Variants in NT5C2 observed in about 807,000 individuals in gnomAD.
NT5C2 encodes the protein 5'-nucleotidase, cytosolic II, also known as cytosolic purine 5'-nucleotidase.
NT5C2 carries 58 observed loss-of-function variants against 76.1 expected under a neutral mutation model. The observed-to-expected ratio is 0.76, with a 90% confidence interval of 0.62 to 0.95. The LOEUF (loss-of-function observed/expected upper bound fraction) is 0.95, where lower values mean the gene tolerates loss of function less well. NT5C2 is among the 40% of genes least tolerant of loss of function. The pLI is 0.00. For missense variants in NT5C2, 478 were observed against 690.3 expected (o/e 0.69, Z 3.45); for synonymous variants, 229 against 237.4 (o/e 0.96, Z 0.32).
intron 3 of NT5C2, among the ~76,000 whole-genome samples, chr10:103,173,174 C>T (rs559344094): frequency 3.0e-4 from 45 of 151,978 alleles, no homozygotes; most frequent in African/African-American, 1.0e-3. Context: ...AAAGTGATTT[C>T]GAGAAAATAT....
At chr10:103,175,087 A>G (rs915100961) in intron 2 of NT5C2, 105 bp from the exon 3 acceptor site, 1 of 628,490 alleles carries the variant, frequency 1.6e-6, no homozygotes, top group Admixed American at 2.7e-5. Flanking sequence ...ACTGCCTAAT[A>G]TAATTACCTA....
intron 1 of NT5C2, among the ~76,000 whole-genome samples, chr10:103,191,460 A>G (rs1766497895): frequency 6.6e-6 from 1 of 152,032 alleles, no homozygotes; most frequent in African/African-American, 2.4e-5. Flanking sequence ...CTTTCCCCAT[A>G]AAACAGGAGA....
rs1009867728 is a variant in NT5C2, at chr10:103,088,973, A to G, written c.*699T>C. 1 of 209,518 alleles carries G rather than the reference A, an allele frequency of 4.8e-6. No homozygotes were observed. Among genetic ancestry groups the G allele is most frequent in the Non-Finnish European group, 9.7e-6 (1 of 103,068 alleles). 13.0% of individuals were successfully genotyped at this position (209,518 alleles called of 1,614,324 possible). A position where few individuals can be genotyped will look rare whatever the true frequency, so the allele number is the denominator to read the frequency against. The stretch of plus-strand genomic sequence containing the variant: ...AATTCTTTCTATAGATTTATCACAG[A>G]TAAGAAGGAGGTTGTTTTTGGATAA... On this transcript the variant is annotated 3_prime_UTR_variant, in exon 19 of 19. Coordinates refer to ENST00000404739, the MANE Select transcript of NT5C2 (RefSeq NM_001351169.2).
chr10:103,187,417 G>T (rs1249368345), intron 1 of NT5C2, among the ~76,000 whole-genome samples: 1 of 151,750 alleles, frequency 6.6e-6, no homozygotes, highest in African/African-American at 2.4e-5. Context: ...GCCAGGTGTA[G>T]TGGTGGGCGC....
chr10:103,174,797 C>T, intron 3 of NT5C2, 61 bp downstream of exon 3: 1 of 1,033,398 alleles, frequency 9.7e-7, no homozygotes, highest in Non-Finnish European at 1.5e-6. Context: ...ATTTCATCAT[C>T]TGTAAAATGA....
chr10:103,099,780 T>C (rs2069089074), intron 9 of NT5C2, 146 bp downstream of exon 9: 3 of 514,060 alleles, frequency 5.8e-6, no homozygotes, highest in South Asian at 4.9e-5. Flanking sequence ...AGAACAAATG[T>C]ATTCTAGAGG....
At chr10:103,090,505 A>G (rs2066486950) in intron 18 of NT5C2, 106 bp downstream of exon 18, 10 of 1,018,958 alleles carry the variant, frequency 9.8e-6, no homozygotes, top group Middle Eastern at 3.2e-4. Flanking sequence ...TGGGCTCTGT[A>G]CATCAGAAAG....
At chr10:103,120,005 G>C (rs149869444) in intron 4 of NT5C2, among the ~76,000 whole-genome samples, 179 of 151,954 alleles carry the variant, frequency 1.2e-3, no homozygotes, top group Middle Eastern at 3.4e-3. Flanking sequence ...AGGCTGAAAT[G>C]GGAGAATCAC....
chr10:103,136,026 G>A (rs1404661758), intron 4 of NT5C2, among the ~76,000 whole-genome samples: 2 of 152,198 alleles, frequency 1.3e-5, no homozygotes, highest in Non-Finnish European at 2.9e-5. Context: ...GGCACAGGTT[G>A]CAGTGAGCCA....
At chr10:103,131,135 GATGTTATGTTTGAC>G (rs1279086831) in intron 4 of NT5C2, among the ~76,000 whole-genome samples, 2 of 152,216 alleles carry the variant, frequency 1.3e-5, no homozygotes, top group Non-Finnish European at 2.9e-5. Context: ...ACGACTTTGA[GATGTTATGTTTGAC>G]ATGTGATGTC....
Position 103,124,325 on chromosome 10 carries a change from G to A in NT5C2, c.175+15081C>T, listed in dbSNP as rs1241961574. Reference sequence around the variant, plus strand: ...TGTTGCCAAAATACCCTGTCATTCAGCTGCTCAAAAAAGAGCTTTAACTTT... The same window carrying A: ...TGTTGCCAAAATACCCTGTCATTCAACTGCTCAAAAAAGAGCTTTAACTTT... On this transcript the variant is annotated intron_variant, in intron 4 of 18. Coordinates refer to ENST00000404739, the MANE Select transcript of NT5C2 (RefSeq NM_001351169.2). Among the ~76,000 whole-genome samples, 3 of 151,818 alleles carry A rather than the reference G, an allele frequency of 2.0e-5. No individual in the cohort carries two copies. In the East Asian group the frequency reaches 5.8e-4, roughly 29 times the overall value.
intron 4 of NT5C2, among the ~76,000 whole-genome samples, chr10:103,132,679 G>A (rs909966838): frequency 1.3e-5 from 2 of 151,986 alleles, no homozygotes; most frequent in African/African-American, 4.8e-5. Flanking sequence ...CTGAGTAGCT[G>A]GGACTCGGTA....
intron 4 of NT5C2, among the ~76,000 whole-genome samples, chr10:103,131,796 C>A (rs1054154091): frequency 6.6e-6 from 1 of 152,114 alleles, no homozygotes; most frequent in South Asian, 2.1e-4. Context: ...GTGGCTTGCA[C>A]CTGTATCTCC....
intron 15 of NT5C2, among the ~76,000 whole-genome samples, chr10:103,092,736 A>AT (rs918660440): frequency 1.3e-5 from 2 of 152,238 alleles, no homozygotes; most frequent in African/African-American, 2.4e-5. Flanking sequence ...ACCAGAGGTG[A>AT]TTAACATTCA....
intron 4 of NT5C2, among the ~76,000 whole-genome samples, chr10:103,135,495 T>A (rs886128186): frequency 6.6e-6 from 1 of 152,148 alleles, no homozygotes; most frequent in Non-Finnish European, 1.5e-5. Context: ...TTCTTTCTGG[T>A]TGGGCTCGGT....
intron 3 of NT5C2, chr10:103,140,211 G>C (rs1057495378): frequency 6.6e-6 from 1 of 152,062 alleles, no homozygotes; most frequent in Non-Finnish European, 1.5e-5. Context: ...GATCCACCGC[G>C]CCTGGCCTCC....
intron 4 of NT5C2, among the ~76,000 whole-genome samples, chr10:103,122,746 G>A (rs1020921147): frequency 2.0e-5 from 3 of 152,098 alleles, no homozygotes; most frequent in African/African-American, 7.2e-5. Context: ...CTTATACCAC[G>A]AGGAAAGGAA....
At chr10:103,181,025 G>A (rs1564645482) in intron 2 of NT5C2, among the ~76,000 whole-genome samples, 160 bp downstream of exon 2, 2 of 152,150 alleles carry the variant, frequency 1.3e-5, no homozygotes, top group Non-Finnish European at 2.9e-5. Flanking sequence ...CCTGGGGTAA[G>A]GAGGTCAAGT....
rs576642214 is a variant in NT5C2, at chr10:103,118,667, AC to A, written c.176-11962del. ...GCCACCATGCCTGGACAAAATCATC[AC>A]ATTTCATCTTCACAAATCTCCTTTA... On this transcript the variant is annotated intron_variant, in intron 4 of 18. Coordinates refer to ENST00000404739, the MANE Select transcript of NT5C2 (RefSeq NM_001351169.2). Among the ~76,000 whole-genome samples the A allele has an allele frequency of 1.4e-4, 21 of 152,206 alleles. No individual in the cohort carries two copies. In the East Asian group the frequency reaches 4.1e-3, roughly 29 times the overall value.
Sources: allele counts gnomAD v4.1 joint callset (sites outside exome capture counted in the v4.1 genomes callset), GRCh38; gene constraint gnomAD v4.1.1; transcripts MANE v1.5; gene names NCBI Gene and HGNC (gene_info 2026-07-23, HGNC 2026-07-21).